The following SCUBE3 variants were observed in gnomAD, a reference collection of about 807,000 sequenced individuals.
SCUBE3 encodes signal peptide, CUB domain and EGF like domain containing 3, also known as signal peptide, CUB and EGF-like domain-containing protein 3.
Under a neutral mutation model 116.8 loss-of-function variants are expected in SCUBE3, and 33 were observed. That is an observed-to-expected ratio of 0.28 (90% CI 0.21 to 0.38). The LOEUF is 0.38. SCUBE3 is among the 10% of genes least tolerant of loss of function. The pLI is 1.00. For missense variants in SCUBE3, 1,007 were observed against 1,324.8 expected, an observed-to-expected ratio of 0.76 and a Z score of 3.72; for synonymous variants, 418 against 496.9, an observed-to-expected ratio of 0.84 and a Z score of 2.11.
Position 35,240,122 on chromosome 6 carries a change from C to T in SCUBE3, c.952+248C>T, listed in dbSNP as rs767305015. Among the ~76,000 whole-genome samples, 11 of 152,166 alleles carry T rather than the reference C, an allele frequency of 7.2e-5. No individual in the cohort carries two copies. The highest frequency in any genetic ancestry group is 1.5e-4 in the Non-Finnish European group (10 of 68,030). ...AATTCATATCCTTGGCAGAGTAGGACGTACCTAACCACACATGGTGGGCCC... is the reference window on the plus strand; with the variant it reads ...AATTCATATCCTTGGCAGAGTAGGATGTACCTAACCACACATGGTGGGCCC... On this transcript the variant is annotated intron_variant, in intron 8 of 21. Transcript: ENST00000274938. This position sits in a 1 kb window ranked among gnomAD's most constrained non-coding sequence, Gnocchi z 4.6.
In SCUBE3 at chr6:35,242,290, A is replaced by C. The variant is rs1784103851; in HGVS notation, c.1504A>C (p.Thr502Pro). The change falls in exon 13 of 22, where the codon ACA becomes CCA. Residue 502 changes from threonine (T) to proline (P), a missense_variant. Thr to Pro is a conservative substitution (Grantham distance 38). This residue lies in a region of SCUBE3 where 544 missense variants were observed against 638.9 expected (regional missense o/e 0.85). Coordinates refer to ENST00000274938, the MANE Select transcript of SCUBE3 (RefSeq NM_152753.4). The part of the protein sequence containing the change: ...CRLHLRNKGK[T>P]EEAGRITGPG... ...TTTGCACCTGCGAAACAAAGGCAAA[A>C]CAGAGGAGGCTGGCAGAATCACAGG... is the stretch of plus-strand genomic sequence containing the variant. The C allele has an allele frequency of 6.2e-7, 1 of 1,613,748 alleles. No individual in the cohort carries two copies. Among genetic ancestry groups the C allele is most frequent in the African/African-American group, 1.3e-5 (1 of 74,990 alleles).
At position 35,243,612 on chromosome 6, in the gene SCUBE3, C is replaced by T. The variant is rs531556751; in HGVS notation, c.1928C>T (p.Thr643Met). 4.8e-5 allele frequency: 77 copies of T among 1,612,470 alleles called. No homozygotes were observed. Among genetic ancestry groups the T allele is most frequent in the East Asian group, 1.8e-4 (8 of 44,802 alleles). The part of the protein sequence containing the change: ...GTKCVSCPQG[T>M]YYHGQTEQCV... ...CCCTCAGTCAGCTGCCCGCAGGGAA[C>T]GTATTACCACGGCCAGACGGAGCAG... The change falls in exon 16 of 22, where the codon ACG (threonine) becomes ATG (methionine). Residue 643 changes from threonine to methionine, a missense_variant. Coordinates refer to ENST00000274938, the MANE Select transcript of SCUBE3 (RefSeq NM_152753.4). The surrounding 1 kb of genome is among the most constrained non-coding windows in gnomAD (Gnocchi z 6.6).
chr6:35,251,996 G>A lies in SCUBE3; in HGVS notation c.*3291G>A, dbSNP rs1379594611. ...GAGGCCTCTCTGCAGCGTGTAGGGT[G>A]TGGGGCGACAGTATTGTGGGGCTTC... On this transcript the variant is annotated 3_prime_UTR_variant, in exon 22 of 22. Coordinates refer to ENST00000274938, the MANE Select transcript of SCUBE3 (RefSeq NM_152753.4). The A allele has an allele frequency of 6.6e-6, 1 of 152,006 alleles. No homozygotes were observed. The highest frequency in any genetic ancestry group is 2.4e-5 in the African/African-American group (1 of 41,378). The allele number at this position is 152,006 out of a possible 1,614,324, so 9.4% of individuals were successfully genotyped here.
At chr6:35,238,222 C>G (rs571941814) in intron 7 of SCUBE3, among the ~76,000 whole-genome samples, 23 of 152,278 alleles carry the variant, frequency 1.5e-4, no homozygotes, top group African/African-American at 4.6e-4. Context: ...CTTAGTGCCC[C>G]CTTCCCCTAC....
chr6:35,230,941 TGGG>T (rs2150296935), intron 3 of SCUBE3, among the ~76,000 whole-genome samples: 1 of 152,248 alleles, frequency 6.6e-6, no homozygotes, highest in East Asian at 1.9e-4. Context: ...GGTGTTGAAT[TGGG>T]GGCTCCAGGG....
At chr6:35,227,112 C>A (rs1327882935) in intron 1 of SCUBE3, among the ~76,000 whole-genome samples, 2 of 152,160 alleles carry the variant, frequency 1.3e-5, no homozygotes, top group Non-Finnish European at 2.9e-5. Context: ...AGATGAAGAT[C>A]CCTCAGATGC....
Position 35,248,833 on chromosome 6 carries a change from C to T in SCUBE3, c.*128C>T. 1 of 721,762 alleles carries T rather than the reference C, an allele frequency of 1.4e-6. No homozygotes were observed. Among genetic ancestry groups the T allele is most frequent in the Admixed American group, 2.5e-5 (1 of 40,592 alleles). 44.7% of individuals were successfully genotyped at this position (721,762 alleles called of 1,614,324 possible). ...TGGAGGGAAAAAAAAAATATCACTA[C>T]ACAAACCAGGCACTCTCCCTTTCTG... On this transcript the variant is annotated 3_prime_UTR_variant, in exon 22 of 22. Coordinates refer to ENST00000274938, the MANE Select transcript of SCUBE3 (RefSeq NM_152753.4).
At chr6:35,227,553 C>G (rs1783377653) in intron 1 of SCUBE3, 27 bp from the exon 2 acceptor site, 1 of 1,613,956 alleles carries the variant, frequency 6.2e-7, no homozygotes, top group South Asian at 1.1e-5. Context: ...AACAGAGGTT[C>G]TCATGTGCCC....
rs112066238 is a variant in SCUBE3 at position 35,232,325 on chromosome 6, G to A, written c.469+466G>A. Among the ~76,000 whole-genome samples the A allele has an allele frequency of 0.015, 2,219 of 152,244 alleles. 20 individuals are homozygous for A. Among genetic ancestry groups the A allele is most frequent in the South Asian group, 0.036 (171 of 4,814 alleles). The stretch of plus-strand genomic sequence containing the variant: ...CAGGGACTATGTCTAACTCATTGTT[G>A]TATCCCCAGCACCTAACATACTGCC... On this transcript the variant is annotated intron_variant, in intron 4 of 21. Coordinates refer to ENST00000274938, the MANE Select transcript of SCUBE3 (RefSeq NM_152753.4). This position sits in a 1 kb window ranked among gnomAD's most constrained non-coding sequence, Gnocchi z 4.2.
In SCUBE3 at chr6:35,245,577, C is replaced by A; in HGVS notation, c.2599+152C>A. 1 of 674,686 alleles carries A rather than the reference C, an allele frequency of 1.5e-6. No individual in the cohort carries two copies. Among genetic ancestry groups the A allele is most frequent in the Non-Finnish European group, 2.5e-6 (1 of 395,472 alleles). The allele number at this position is 674,686 out of a possible 1,614,324, so 41.8% of individuals were successfully genotyped here. A position where few individuals can be genotyped will look rare whatever the true frequency, so the allele number is the denominator to read the frequency against. ...TGAGAGGCCTTTAGGAAGAGAGAAG[C>A]TAACAAAGGAAAACAGCAATGACAC... is the stretch of plus-strand genomic sequence containing the variant. On this transcript the variant is annotated intron_variant, in intron 19 of 21. Coordinates refer to ENST00000274938, the MANE Select transcript of SCUBE3 (RefSeq NM_152753.4). This position sits in a 1 kb window ranked among gnomAD's most constrained non-coding sequence, Gnocchi z 4.2.
At chr6:35,242,455 AG>A (rs780765061) in intron 13 of SCUBE3, 135 bp downstream of exon 13, 3 of 905,162 alleles carry the variant, frequency 3.3e-6, no homozygotes, top group Non-Finnish European at 5.3e-6. Flanking sequence ...CTGTAGGCAT[AG>A]CACCCAAGGA....
chr6:35,227,440 G>A (rs1221693871), intron 1 of SCUBE3, 140 bp from the exon 2 acceptor site: 18 of 823,234 alleles, frequency 2.2e-5, no homozygotes, highest in Admixed American at 6.6e-5. Flanking sequence ...TCAGAGAGAT[G>A]TGAGACAGCA....
At chr6:35,236,981 G>A (rs1783803817) in intron 6 of SCUBE3, among the ~76,000 whole-genome samples, 1 of 152,156 alleles carries the variant, frequency 6.6e-6, no homozygotes, top group Admixed American at 6.5e-5. Context: ...TCAGAAAATA[G>A]GGAGAGTGAC....
rs1782819500 is a variant in SCUBE3 at position 35,214,778 on chromosome 6, C to T, written c.85+275C>T. Among the ~76,000 whole-genome samples the T allele has an allele frequency of 6.6e-6, 1 of 152,230 alleles. No individual in the cohort carries two copies. On this transcript the variant is annotated intron_variant, in intron 1 of 21. Transcript: ENST00000274938. This position sits in a 1 kb window ranked among gnomAD's most constrained non-coding sequence, Gnocchi z 6.3. ...GCCTCAGAATTCCGCTCGACTTCAT[C>T]CACTCCCAGCATCTTCGAAAGACTT...
Position 35,227,590 on chromosome 6 carries a change from G to C in SCUBE3, c.96G>C (p.Glu32Asp). Residue 32 changes from glutamate (E) to aspartate (D), a missense_variant, in exon 2 of 22, where the codon GAG (glutamate) becomes GAC (aspartate). Glu to Asp is a conservative substitution (Grantham distance 45, BLOSUM62 2). This residue lies in a region of SCUBE3 where 94 missense variants were observed against 92.0 expected (regional missense o/e 1.02). Transcript: ENST00000274938. ...CTCTGCCCCTGCCAGATGTGGATGA[G>C]TGTGTGGAGGGGACTGACAACTGCC... The part of the protein sequence containing the change: ...QYSKAAQDVD[E>D]CVEGTDNCHI... The C allele has an allele frequency of 1.9e-6, 3 of 1,614,168 alleles. No homozygotes were observed. Among genetic ancestry groups the C allele is most frequent in the Non-Finnish European group, 2.5e-6 (3 of 1,180,018 alleles).
chr6:35,241,558 A>C lies in SCUBE3; in HGVS notation c.1211A>C (p.Gln404Pro). The change falls in exon 11 of 22, where the codon CAG becomes CCG. Residue 404 changes from glutamine (Q) to proline (P), a missense_variant. Transcript: ENST00000274938. This position sits in a 1 kb window ranked among gnomAD's most constrained non-coding sequence, Gnocchi z 4.1. ...GKDCTEPLKC[Q>P]GSPGASKAML... The stretch of plus-strand genomic sequence containing the variant: ...CCCTTCCTAGAGCCACTGAAGTGTC[A>C]GGGCAGTCCTGGGGCCTCGAAAGCC... The C allele has an allele frequency of 6.2e-7, 1 of 1,613,162 alleles. No individual in the cohort carries two copies.
Position 35,241,862 on chromosome 6 carries a change from G to T in SCUBE3, c.1369G>T (p.Ala457Ser). Residue 457 changes from alanine (A) to serine (S), a missense_variant, in exon 12 of 22, where the codon GCC (alanine) becomes TCC (serine). Ala to Ser is a moderately conservative substitution (Grantham distance 99, BLOSUM62 1). Coordinates refer to ENST00000274938, the MANE Select transcript of SCUBE3 (RefSeq NM_152753.4). This position sits in a 1 kb window ranked among gnomAD's most constrained non-coding sequence, Gnocchi z 4.1. The stretch of plus-strand genomic sequence containing the variant: ...GACCCCCAGCCCCAGGGCTGCTCCA[G>T]CCCGAGCTGGCCACAATGGGAACAG... ...CGTPSPRAAP[A>S]RAGHNGNSTN... The T allele has an allele frequency of 1.2e-6, 2 of 1,612,188 alleles. No homozygotes were observed. Among genetic ancestry groups the T allele is most frequent in the Non-Finnish European group, 1.7e-6 (2 of 1,179,970 alleles).
In SCUBE3 at chr6:35,240,298, T is replaced by A; in HGVS notation, c.953-76T>A. The A allele has an allele frequency of 1.3e-6, 1 of 779,030 alleles. No homozygotes were observed. The highest frequency in any genetic ancestry group is 2.1e-6 in the Non-Finnish European group (1 of 483,248). The allele number at this position is 779,030 out of a possible 1,614,324, so 48.3% of individuals were successfully genotyped here. On this transcript the variant is annotated intron_variant, in intron 8 of 21. Transcript: ENST00000274938. The surrounding 1 kb of genome is among the most constrained non-coding windows in gnomAD (Gnocchi z 4.6). Reference sequence around the variant, plus strand: ...GTTCAAGGGGGAAAGCCAAGGCCCCTCACTTGGGTCCTTCACCTGAGCAAG... The same window carrying A: ...GTTCAAGGGGGAAAGCCAAGGCCCCACACTTGGGTCCTTCACCTGAGCAAG...
rs1782801220 is a variant in SCUBE3, at chr6:35,214,385, GGCCCCGGCGGCTGGGCCGC to G, written c.-33_-15del. 7.3e-7 allele frequency: 1 copy of G among 1,378,616 alleles called. No individual in the cohort carries two copies. Among genetic ancestry groups the G allele is most frequent in the Admixed American group, 2.8e-5 (1 of 35,966 alleles). 85.4% of individuals were successfully genotyped at this position (1,378,616 alleles called of 1,614,324 possible). The stretch of plus-strand genomic sequence containing the variant: ...TCCGCCCTCCCCTGGCCGCGAGACC[GGCCCCGGCGGCTGGGCCGC>G]CAGTAGCTCCAGCCATGGGCTCGGG... On this transcript the variant is annotated 5_prime_UTR_variant, in exon 1 of 22. Transcript: ENST00000274938. The surrounding 1 kb of genome is among the most constrained non-coding windows in gnomAD (Gnocchi z 6.3).
Sources: allele counts gnomAD v4.1 joint callset (sites outside exome capture counted in the v4.1 genomes callset), GRCh38; gene constraint gnomAD v4.1.1; regional missense constraint gnomAD v4.1.1; non-coding constraint Gnocchi (gnomAD v3.1); transcripts MANE v1.5; gene names NCBI Gene and HGNC (gene_info 2026-07-23, HGNC 2026-07-21).